The following EYS variants were observed in gnomAD, a reference collection of about 807,000 sequenced individuals.
EYS encodes the protein EGF-like photoreceptor maintenance factor.
Under a neutral mutation model 282.1 loss-of-function variants are expected in EYS, and 250 were observed. The ratio of observed to expected loss-of-function variants is 0.89; its 90% confidence interval spans 0.80 to 0.98. The LOEUF is 0.98. Among genes scored for constraint, EYS ranks in the 50% least tolerant of loss-of-function variants. The pLI, the probability that EYS is intolerant of heterozygous loss-of-function variation, is 0.00. For missense variants in EYS, 4,016 were observed against 3,709.0 expected, an observed-to-expected ratio of 1.08 and a Z score of -2.15; for synonymous variants, 1,355 against 1,282.9, an observed-to-expected ratio of 1.06 and a Z score of -1.20.
At chr6:65,492,811 T>A (rs973976370) in intron 4 of EYS, among the ~76,000 whole-genome samples, 6 of 152,236 alleles carry the variant, frequency 3.9e-5, no homozygotes, top group African/African-American at 1.4e-4. Context: ...TCTATAATAA[T>A]CTTGGTACTA....
intron 14 of EYS, among the ~76,000 whole-genome samples, chr6:64,976,379 A>C (rs2150113847): frequency 6.6e-6 from 1 of 152,056 alleles, no homozygotes; most frequent in African/African-American, 2.4e-5. Context: ...ATTAAAAAAA[A>C]AAACATGAAC....
intron 8 of EYS, among the ~76,000 whole-genome samples, chr6:65,356,860 G>C (rs1007589879): frequency 2.0e-5 from 3 of 151,896 alleles, no homozygotes; most frequent in Admixed American, 6.6e-5. Context: ...CTCTGATTCT[G>C]ACCTCTCATT....
chr6:65,413,294 T>C (rs974810538), intron 5 of EYS, among the ~76,000 whole-genome samples: 2 of 152,188 alleles, frequency 1.3e-5, no homozygotes, highest in Admixed American at 1.3e-4. Flanking sequence ...TCAAGAAATA[T>C]TCTATATACT....
At chr6:65,475,127 A>T (rs1765350990) in intron 5 of EYS, among the ~76,000 whole-genome samples, 1 of 151,402 alleles carries the variant, frequency 6.6e-6, no homozygotes, top group African/African-American at 2.4e-5. Context: ...GGGAAAACTA[A>T]CCACCTCCTA....
At chr6:64,996,420 T>C (rs1043517408) in intron 14 of EYS, among the ~76,000 whole-genome samples, 2 of 152,156 alleles carry the variant, frequency 1.3e-5, no homozygotes, top group Non-Finnish European at 2.9e-5. Context: ...ACGCATACTT[T>C]TCCTCACATT....
intron 4 of EYS, among the ~76,000 whole-genome samples, chr6:65,492,320 A>G (rs201710412): frequency 6.1e-5 from 5 of 81,708 alleles, no homozygotes; most frequent in Admixed American, 1.6e-4. Flanking sequence ...AGAGAAAGAA[A>G]GAAGAAAGAA....
In EYS at chr6:64,994,821, T is replaced by C. The variant is rs1174754325; in HGVS notation, c.2259+2761A>G. ...TAGAATGCATTGTTTTCCAATAGTA[T>C]ACTATTTATTCATACACAAAAAGGC... On this transcript the variant is annotated intron_variant, in intron 14 of 42. Coordinates refer to ENST00000503581, the MANE Select transcript of EYS (RefSeq NM_001142800.2). Among the ~76,000 whole-genome samples the C allele has an allele frequency of 2.6e-5, 4 of 152,108 alleles. No individual in the cohort carries two copies. In the South Asian group the frequency reaches 8.3e-4, roughly 31 times the overall value.
chr6:65,527,395 C>T (rs949987136), intron 2 of EYS, among the ~76,000 whole-genome samples: 3 of 152,162 alleles, frequency 2.0e-5, no homozygotes, highest in African/African-American at 7.2e-5. Context: ...TCATTATAGG[C>T]CCACACAGGA....
At chr6:64,120,249 G>A (rs1051178047) in intron 31 of EYS, among the ~76,000 whole-genome samples, 7 of 150,366 alleles carry the variant, frequency 4.7e-5, no homozygotes, top group Admixed American at 2.7e-4. Flanking sequence ...CCAGCTACTC[G>A]GGAGGCTGAG....
chr6:64,382,288 GTATTTAAATACTATA>G (rs1380601301), intron 29 of EYS, among the ~76,000 whole-genome samples: 1 of 152,062 alleles, frequency 6.6e-6, no homozygotes, highest in Admixed American at 6.6e-5. Flanking sequence ...CTGGCCTCAC[GTATTTAAATACTATA>G]GCCTGAGAAC....
rs150474471 is a variant in EYS at position 64,257,810 on chromosome 6, G to A, written c.6192-26986C>T. ...GATGATGATGATGATGATGATGTTGGCCATGACAGCAACCGTGATCATTAT... is the reference window on the plus strand; with the variant it reads ...GATGATGATGATGATGATGATGTTGACCATGACAGCAACCGTGATCATTAT... On this transcript the variant is annotated intron_variant, in intron 30 of 42. Transcript: ENST00000503581. Among the ~76,000 whole-genome samples, 142 of 149,174 alleles carry A rather than the reference G, an allele frequency of 9.5e-4. 2 individuals are homozygous for A. Among genetic ancestry groups the A allele is most frequent in the African/African-American group, 3.4e-3 (133 of 39,660 alleles).
At position 64,717,890 on chromosome 6, in the gene EYS, T is replaced by C. The variant is rs193102876; in HGVS notation, c.3444-91645A>G. Among the ~76,000 whole-genome samples, 11 of 152,298 alleles carry C rather than the reference T, an allele frequency of 7.2e-5. No individual in the cohort carries two copies. The East Asian group carries it at 1.9e-3, about 27-fold the overall frequency. On this transcript the variant is annotated intron_variant, in intron 22 of 42. Coordinates refer to ENST00000503581, the MANE Select transcript of EYS (RefSeq NM_001142800.2). ...GCCTTTAGAAAGATTATGATACATA[T>C]TAAAATTTCTCAGTATAGAAATTCC...
At position 64,732,241 on chromosome 6, in the gene EYS, G is replaced by A. The variant is rs185415184; in HGVS notation, c.3443+81137C>T. On this transcript the variant is annotated intron_variant, in intron 22 of 42. Transcript: ENST00000503581. ...GGGTTGCTGGGTGCAGCAAACCACCGTGGCACGTGTATACCTATGTAACAA... is the reference window on the plus strand; with the variant it reads ...GGGTTGCTGGGTGCAGCAAACCACCATGGCACGTGTATACCTATGTAACAA... Among the ~76,000 whole-genome samples the A allele has an allele frequency of 8.6e-4, 122 of 142,338 alleles. 1 individual carries two copies. Among genetic ancestry groups the A allele is most frequent in the Middle Eastern group, 6.9e-3 (2 of 288 alleles). 93.4% of individuals were successfully genotyped at this position (142,338 alleles called of 152,430 possible).
chr6:65,598,165 C>T (rs1765475588), intron 2 of EYS, among the ~76,000 whole-genome samples: 1 of 149,928 alleles, frequency 6.7e-6, no homozygotes, highest in Admixed American at 6.7e-5. Flanking sequence ...GTCCTCACTG[C>T]TAAATGCAAA....
At chr6:65,091,772 T>G (rs1405464451) in intron 12 of EYS, among the ~76,000 whole-genome samples, 1 of 152,106 alleles carries the variant, frequency 6.6e-6, no homozygotes, top group Non-Finnish European at 1.5e-5. Flanking sequence ...CACAACCCCA[T>G]GCACTACATA....
At position 64,166,162 on chromosome 6, in the gene EYS, A is replaced by G. The variant is rs764110602; in HGVS notation, c.6424+64430T>C. Among the ~76,000 whole-genome samples the G allele has an allele frequency of 5.3e-5, 8 of 152,318 alleles. No homozygotes were observed. In the South Asian group the frequency reaches 6.2e-4, roughly 12 times the overall value. On this transcript the variant is annotated intron_variant, in intron 31 of 42. Transcript: ENST00000503581. ...CCCTTTAAATACTCAAGTTGCTTCA[A>G]TGCTAAATGGTACAAATTTGATCAG...
At chr6:65,613,517 G>A (rs354382) in intron 2 of EYS, among the ~76,000 whole-genome samples, 148,579 of 151,934 alleles carry the variant, frequency 0.98, 72,662 homozygotes, top group East Asian at 1. Flanking sequence ...GAAAGAAATG[G>A]ACCCTGAAAT....
At chr6:63,939,950 A>G (rs947866453) in intron 35 of EYS, among the ~76,000 whole-genome samples, 1 of 152,216 alleles carries the variant, frequency 6.6e-6, no homozygotes, top group African/African-American at 2.4e-5. Flanking sequence ...GTACTACTGT[A>G]ATAATTCTGT....
At chr6:65,599,318 A>T (rs1437896021) in intron 2 of EYS, among the ~76,000 whole-genome samples, 1 of 152,094 alleles carries the variant, frequency 6.6e-6, no homozygotes, top group Non-Finnish European at 1.5e-5. Flanking sequence ...CCATTTGGAA[A>T]CACATGGACC....
Sources: allele counts gnomAD v4.1 joint callset (sites outside exome capture counted in the v4.1 genomes callset), GRCh38; gene constraint gnomAD v4.1.1; transcripts MANE v1.5; gene names NCBI Gene and HGNC (gene_info 2026-07-23, HGNC 2026-07-21).